Variants in HECTD4 observed in about 807,000 individuals in gnomAD.
HECTD4 encodes HECT domain E3 ubiquitin protein ligase 4.
Under a neutral mutation model 471.5 loss-of-function variants are expected in HECTD4, and 114 were observed. The observed-to-expected ratio is 0.24, with a 90% CI of 0.21 to 0.28. The LOEUF is 0.28. Among genes scored for constraint, HECTD4 ranks in the 10% least tolerant of loss-of-function variants. The pLI is 1.00. For synonymous variants in HECTD4, 2,012 were observed against 2,256.0 expected, an observed-to-expected ratio of 0.89 and a Z score of 3.07; for missense variants, 3,866 against 5,651.5, an observed-to-expected ratio of 0.68 and a Z score of 10.13.
chr12:112,216,723 T>G, intron 47 of HECTD4, 50 bp downstream of exon 47: 1 of 1,596,744 alleles, frequency 6.3e-7, no homozygotes. Flanking sequence ...TATACACACC[T>G]TGTGGGAGGC....
In HECTD4 at chr12:112,163,715, C is replaced by T. The variant is rs758133588; in HGVS notation, c.12724G>A (p.Ala4242Thr). 6.7e-6 allele frequency: 10 copies of T among 1,488,156 alleles called. No individual in the cohort carries two copies. Among genetic ancestry groups the T allele is most frequent in the African/African-American group, 2.8e-5 (2 of 70,916 alleles). The allele number at this position is 1,488,156 out of a possible 1,614,324, so 92.2% of individuals were successfully genotyped here. ...AGCCGCAGGCTCCGGATGGCTGCCG[C>T]GTAGATGTCCTTGTTCTCCCACCTG... Reference protein sequence around the residue: ...LVAWENKDIYAAAIRSLRLRE... With the variant: ...LVAWENKDIYTAAIRSLRLRE... Residue 4242 changes from alanine to threonine, a missense_variant, in exon 74 of 76, where the codon GCG becomes ACG. This residue lies in a region of HECTD4 where 715 missense variants were observed against 1,087.6 expected (regional missense o/e 0.66). Coordinates refer to ENST00000682272, the MANE Select transcript of HECTD4 (RefSeq NM_001388303.1). The surrounding 1 kb of genome is among the most constrained non-coding windows in gnomAD (Gnocchi z 8.2).
chr12:112,306,578 A>C (rs1033515587), intron 6 of HECTD4, among the ~76,000 whole-genome samples: 6 of 152,264 alleles, frequency 3.9e-5, no homozygotes, highest in African/African-American at 1.4e-4. Context: ...ACAAAGTTTT[A>C]GAGAAGCAAC....
rs1191699023 is a variant in HECTD4, at chr12:112,164,255, C to T, written c.12555G>A (p.Leu4185=). The stretch of plus-strand genomic sequence containing the variant: ...AGGCGATCTCAGCGCACAGGGCCTC[C>T]AGCTCGGTCTCATCATTGATCTGGA... ...KFESINDETE[L]EALCAEIASQ... The change falls in exon 73 of 76, where the codon CTG becomes CTA. Residue 4185 remains leucine, a synonymous_variant. Coordinates refer to ENST00000682272, the MANE Select transcript of HECTD4 (RefSeq NM_001388303.1). The T allele has an allele frequency of 2.5e-6, 4 of 1,613,172 alleles. No individual in the cohort carries two copies. The highest frequency in any genetic ancestry group is 1.3e-5 in the African/African-American group (1 of 74,930).
intron 1 of HECTD4, among the ~76,000 whole-genome samples, chr12:112,342,659 C>T (rs887165924): frequency 5.9e-5 from 9 of 152,002 alleles, no homozygotes; most frequent in Admixed American, 5.9e-4. Context: ...GATGAATACA[C>T]GAAAATATTC....
chr12:112,341,527 G>T (rs2036054438), intron 1 of HECTD4, among the ~76,000 whole-genome samples: 1 of 152,064 alleles, frequency 6.6e-6, no homozygotes, highest in Admixed American at 6.6e-5. Flanking sequence ...TGCCCTTCCT[G>T]TCAATTCCTG....
At chr12:112,299,674 G>T (rs891141825) in intron 7 of HECTD4, among the ~76,000 whole-genome samples, 15 of 152,000 alleles carry the variant, frequency 9.9e-5, no homozygotes, top group South Asian at 4.1e-4. Flanking sequence ...CTAAGACTAA[G>T]CCCCTTGGTT....
Position 112,167,829 on chromosome 12 carries a change from A to G in HECTD4, c.12297T>C (p.Ala4099=). The part of the protein sequence containing the change: ...LSLLLLCPSS[A]VNKNKGKYIL... ...CTCTGCCTACCTTGTTCTTATTGAC[A>G]GCTGAGCTGGGGCACAGCAGCAGCA... Residue 4099 remains alanine, a synonymous_variant, in exon 71 of 76, where the codon GCT becomes GCC. Coordinates refer to ENST00000682272, the MANE Select transcript of HECTD4 (RefSeq NM_001388303.1). The G allele has an allele frequency of 6.2e-7, 1 of 1,613,354 alleles. No individual in the cohort carries two copies. The highest frequency in any genetic ancestry group is 8.5e-7 in the Non-Finnish European group (1 of 1,179,490).
At position 112,172,792 on chromosome 12, in the gene HECTD4, T is replaced by G. The variant is rs770911579; in HGVS notation, c.11664A>C (p.Ala3888=). Residue 3888 remains alanine (A), a synonymous_variant, in exon 67 of 76, where the codon GCA becomes GCC. Transcript: ENST00000682272. ...SRKWTLEMDV[A]LVQYINQLCR... ...ATAGCTGGTTGATGTACTGCACAAG[T>G]GCCACGTCCATCTCCAGGGTCCACT... The G allele has an allele frequency of 6.2e-7, 1 of 1,613,838 alleles. No homozygotes were observed. Among genetic ancestry groups the G allele is most frequent in the East Asian group, 2.2e-5 (1 of 44,888 alleles).
At chr12:112,270,862 C>A (rs189106461) in intron 11 of HECTD4, among the ~76,000 whole-genome samples, 2 of 152,252 alleles carry the variant, frequency 1.3e-5, no homozygotes, top group Middle Eastern at 3.4e-3. Flanking sequence ...CATTCCACAG[C>A]CCCTACTGGT....
At chr12:112,313,549 G>A (rs1290176228) in intron 3 of HECTD4, among the ~76,000 whole-genome samples, 3 of 147,854 alleles carry the variant, frequency 2.0e-5, no homozygotes, top group Admixed American at 6.9e-5. Flanking sequence ...GTGCAGTGGC[G>A]TGATCTCGGT....
Position 112,167,921 on chromosome 12 carries a change from T to G in HECTD4, c.12209-4A>C. On this transcript the variant is annotated splice_polypyrimidine_tract_variant and splice_region_variant and intron_variant, in intron 70 of 75. Coordinates refer to ENST00000682272, the MANE Select transcript of HECTD4 (RefSeq NM_001388303.1). ...AGGAAGTGGCGGAAAGAGCCGCCTG[T>G]AGGACAGACGAGACACATGGGCACC... 1 of 1,612,712 alleles carries G rather than the reference T, an allele frequency of 6.2e-7. No individual in the cohort carries two copies. The highest frequency in any genetic ancestry group is 8.5e-7 in the Non-Finnish European group (1 of 1,179,204).
At chr12:112,376,894 C>A (rs1332073761) in intron 1 of HECTD4, among the ~76,000 whole-genome samples, 1 of 152,094 alleles carries the variant, frequency 6.6e-6, no homozygotes, top group Non-Finnish European at 1.5e-5. Flanking sequence ...GGGCAGATCA[C>A]CTGAGGTCCG....
At chr12:112,201,448 C>T (rs118166847) in intron 54 of HECTD4, 228 of 153,878 alleles carry the variant, frequency 1.5e-3, no homozygotes, top group Non-Finnish European at 2.2e-3. Flanking sequence ...TAATGACATA[C>T]TAGAAAGGCC....
chr12:112,355,602 A>G (rs1260359265), intron 1 of HECTD4, among the ~76,000 whole-genome samples: 2 of 151,640 alleles, frequency 1.3e-5, no homozygotes, highest in African/African-American at 4.8e-5. Context: ...TCTACTAAAA[A>G]TACAAAAATT....
rs775571437 is a variant in HECTD4, at chr12:112,219,454, G to T, written c.7006C>A (p.Arg2336=). The change falls in exon 45 of 76, where the codon CGG becomes AGG. Residue 2336 remains arginine, a synonymous_variant. Coordinates refer to ENST00000682272, the MANE Select transcript of HECTD4 (RefSeq NM_001388303.1). ...CAGTCCCGGTAGAGCATCCTCAGCC[G>T]TTCACACTGTACCTCCACAACTGCA... ...RLAVVEVQCE[R]LRMLYRDCAR... 1 of 1,613,732 alleles carries T rather than the reference G, an allele frequency of 6.2e-7. No individual in the cohort carries two copies. Among genetic ancestry groups the T allele is most frequent in the South Asian group, 1.1e-5 (1 of 91,004 alleles).
At chr12:112,247,963 G>T in intron 27 of HECTD4, 104 bp downstream of exon 27, 6 of 735,042 alleles carry the variant, frequency 8.2e-6, no homozygotes, top group South Asian at 2.3e-5. Context: ...TTTAGGAAAT[G>T]ACATTATTTT....
chr12:112,239,874 T>C lies in HECTD4; in HGVS notation c.5105+7A>G. 6.2e-7 allele frequency: 1 copy of C among 1,610,198 alleles called. No homozygotes were observed. The highest frequency in any genetic ancestry group is 1.3e-5 in the African/African-American group (1 of 75,000). On this transcript the variant is annotated splice_region_variant and intron_variant, in intron 33 of 75. Coordinates refer to ENST00000682272, the MANE Select transcript of HECTD4 (RefSeq NM_001388303.1). This position sits in a 1 kb window ranked among gnomAD's most constrained non-coding sequence, Gnocchi z 4.9. ...TTACATACAACAAAAGGCCTTTCCG[T>C]ACTTACCTGGTGTAAGGTATGGTAC...
rs375072572 is a variant in HECTD4, at chr12:112,200,884, C to CGTGCGTGT, written c.8407-87_8407-86insACACGCAC. On this transcript the variant is annotated intron_variant, in intron 54 of 75. Transcript: ENST00000682272. ...GCGTGCGTGTGTGTGTGCGTGCGTG[C>CGTGCGTGT]GTGTGTGTGTGTGTGTGTGTGTGTG... The CGTGCGTGT allele has an allele frequency of 8.6e-5, 60 of 698,750 alleles. No individual in the cohort carries two copies. The Admixed American group carries it at 1.1e-3, about 12-fold the overall frequency. The allele number at this position is 698,750 out of a possible 1,614,324, so 43.3% of individuals were successfully genotyped here.
chr12:112,186,925 C>T (rs1273844775), intron 60 of HECTD4, among the ~76,000 whole-genome samples: 1 of 152,128 alleles, frequency 6.6e-6, no homozygotes, highest in Non-Finnish European at 1.5e-5. Flanking sequence ...GCCTCAGCCT[C>T]CCAAAGTGCT....
Sources: allele counts gnomAD v4.1 joint callset (sites outside exome capture counted in the v4.1 genomes callset), GRCh38; gene constraint gnomAD v4.1.1; regional missense constraint gnomAD v4.1.1; non-coding constraint Gnocchi (gnomAD v3.1); transcripts MANE v1.5; gene names NCBI Gene and HGNC (gene_info 2026-07-23, HGNC 2026-07-21).